Variants in MYO7B observed in about 807,000 individuals in gnomAD.
MYO7B encodes the protein unconventional myosin-VIIb.
In MYO7B, 212 loss-of-function variants were observed where a neutral mutation model predicts 259.7. The ratio of observed to expected loss-of-function variants is 0.82; its 90% CI spans 0.73 to 0.91. The LOEUF is 0.91. MYO7B is among the 40% of genes least tolerant of loss of function. The pLI is 0.00. For missense variants in MYO7B, 2,732 were observed against 2,813.5 expected, an observed-to-expected ratio of 0.97 and a Z score of 0.66; for synonymous variants, 1,197 against 1,166.4, an observed-to-expected ratio of 1.03 and a Z score of -0.54.
rs566447325 is a variant in MYO7B, at chr2:127,597,727, C to T, written c.2339+1171C>T. On this transcript the variant is annotated intron_variant, in intron 19 of 47. Coordinates refer to ENST00000409816, the MANE Select transcript of MYO7B (RefSeq NM_001393586.1). The surrounding 1 kb of genome is among the most constrained non-coding windows in gnomAD (Gnocchi z 4.8). ...TTGGCTCACTGCAACCTCTGCTTTC[C>T]GGGCTCAAGCTATCCTCCCACCTCA... is the stretch of plus-strand genomic sequence containing the variant. Among the ~76,000 whole-genome samples the T allele has an allele frequency of 4.6e-5, 7 of 152,006 alleles. No homozygotes were observed. The East Asian group carries it at 5.8e-4, about 13-fold the overall frequency.
chr2:127,590,074 C>G lies in MYO7B; in HGVS notation c.1855-18C>G, dbSNP rs1216861518. 7 of 1,561,550 alleles carry G rather than the reference C, an allele frequency of 4.5e-6. No homozygotes were observed. Among genetic ancestry groups the G allele is most frequent in the Admixed American group, 3.8e-5 (2 of 52,208 alleles). On this transcript the variant is annotated intron_variant, in intron 15 of 47. Transcript: ENST00000409816. This position sits in a 1 kb window ranked among gnomAD's most constrained non-coding sequence, Gnocchi z 4.6. Reference sequence around the variant, plus strand: ...ATGGCTCCTGAGACCCACTTGTGCTCTGTGCTTCCATTCACAGTCTGCAGA... The same window carrying G: ...ATGGCTCCTGAGACCCACTTGTGCTGTGTGCTTCCATTCACAGTCTGCAGA...
rs1173658507 is a variant in MYO7B at position 127,596,369 on chromosome 2, G to A, written c.2245-93G>A. The A allele has an allele frequency of 1.7e-5, 18 of 1,040,374 alleles. No homozygotes were observed. In the East Asian group the frequency reaches 4.4e-4, roughly 25 times the overall value. 64.4% of individuals were successfully genotyped at this position (1,040,374 alleles called of 1,614,324 possible). On this transcript the variant is annotated intron_variant, in intron 18 of 47. Coordinates refer to ENST00000409816, the MANE Select transcript of MYO7B (RefSeq NM_001393586.1). Reference sequence around the variant, plus strand: ...GCCTGCCCTCCTGGGAGAAGCCTGAGAGATGCTACCTTCGGGAGACAGAGC... The same window carrying A: ...GCCTGCCCTCCTGGGAGAAGCCTGAAAGATGCTACCTTCGGGAGACAGAGC...
intron 27 of MYO7B, among the ~76,000 whole-genome samples, chr2:127,621,360 T>C (rs1331479499): frequency 6.8e-6 from 1 of 147,462 alleles, no homozygotes; most frequent in East Asian, 2.0e-4. Context: ...GCCTCCCGGG[T>C]TCAAGCAATT....
intron 7 of MYO7B, among the ~76,000 whole-genome samples, chr2:127,575,197 T>C (rs1324712683): frequency 6.6e-6 from 1 of 152,142 alleles, no homozygotes; most frequent in East Asian, 1.9e-4. Context: ...TTCACAACCA[T>C]GAGAGGTAGG....
chr2:127,630,880 C>A lies in MYO7B; in HGVS notation c.4909C>A (p.Leu1637Met). Residue 1637 changes from leucine to methionine, a missense_variant, in exon 36 of 48, where the codon CTG (leucine) becomes ATG (methionine). Around this residue, in one of 3 missense-constraint regions of MYO7B, gnomAD observed 821 missense variants for 769.3 expected, o/e 1.07. Transcript: ENST00000409816. ...GCCACCCAAGGAAAAGCTGCACACC[C>A]TGGAGGAGTTCTCCTATGAGTTCTT... ...EEPPKEKLHTLEEFSYEFFRA... is the reference protein window; with the variant it reads ...EEPPKEKLHTMEEFSYEFFRA... 1 of 1,601,194 alleles carries A rather than the reference C, an allele frequency of 6.2e-7. No homozygotes were observed. Among genetic ancestry groups the A allele is most frequent in the South Asian group, 1.1e-5 (1 of 89,360 alleles).
At chr2:127,594,827 T>A (rs1679702174) in intron 18 of MYO7B, among the ~76,000 whole-genome samples, 1 of 152,226 alleles carries the variant, frequency 6.6e-6, no homozygotes, top group Admixed American at 6.5e-5. Context: ...TGAAGCCAAC[T>A]TGATCGTAGT....
chr2:127,610,085 G>T, intron 24 of MYO7B, 69 bp downstream of exon 24: 1 of 1,562,642 alleles, frequency 6.4e-7, no homozygotes, highest in East Asian at 2.3e-5. Context: ...CCCAGTCCCT[G>T]GGGCAGCTGG....
chr2:127,538,527 C>T (rs13029611), intron 1 of MYO7B, among the ~76,000 whole-genome samples: 81,018 of 151,798 alleles, frequency 0.53, 23,116 homozygotes, highest in Admixed American at 0.67. Context: ...AATAAGCAAA[C>T]GCTTTGGAGC....
chr2:127,573,893 T>C, intron 6 of MYO7B, 27 bp from the exon 7 acceptor site: 1 of 1,613,790 alleles, frequency 6.2e-7, no homozygotes, highest in Non-Finnish European at 8.5e-7. Flanking sequence ...TCTGCTCCCA[T>C]CATGGGCATC....
intron 1 of MYO7B, among the ~76,000 whole-genome samples, chr2:127,542,143 A>G (rs571644886): frequency 7.2e-4 from 109 of 152,340 alleles, no homozygotes; most frequent in African/African-American, 2.5e-3. Flanking sequence ...ACTGTCAGTC[A>G]CATGCTATTC....
rs1679268802 is a variant in MYO7B at position 127,585,491 on chromosome 2, TG to T, written c.1690+581del. ...ATCTCGTCATCAGTTGGCGGACATT[TG>T]GGTTTTTTCCACTTTTTGCCTATTA... On this transcript the variant is annotated intron_variant, in intron 14 of 47. Transcript: ENST00000409816. The surrounding 1 kb of genome is among the most constrained non-coding windows in gnomAD (Gnocchi z 4.3). Among the ~76,000 whole-genome samples the T allele has an allele frequency of 6.6e-6, 1 of 152,208 alleles. No homozygotes were observed. Among genetic ancestry groups the T allele is most frequent in the Admixed American group, 6.5e-5 (1 of 15,278 alleles).
chr2:127,637,059 G>A (rs1218070372), intron 47 of MYO7B, 146 bp downstream of exon 47: 1 of 1,384,738 alleles, frequency 7.2e-7, no homozygotes, highest in Non-Finnish European at 9.9e-7. Flanking sequence ...GAGAGGGCCT[G>A]GGTGCATCCC....
At chr2:127,581,839 TG>T in intron 10 of MYO7B, 51 bp from the exon 11 acceptor site, 1 of 1,608,650 alleles carries the variant, frequency 6.2e-7, no homozygotes, top group Non-Finnish European at 8.5e-7. Context: ...GTCAGAGTGC[TG>T]GGCCAGGCCC....
chr2:127,599,679 G>A (rs554899184), intron 19 of MYO7B, among the ~76,000 whole-genome samples: 4 of 152,246 alleles, frequency 2.6e-5, no homozygotes, highest in South Asian at 2.1e-4. Flanking sequence ...TTCTCAAGTC[G>A]AGGAAGCTTC....
In MYO7B at chr2:127,608,734, G is replaced by A. The variant is rs763698211; in HGVS notation, c.2670G>A (p.Gly890=). Residue 890 remains glycine (G), a synonymous_variant, in exon 22 of 48, where the codon GGG becomes GGA. Coordinates refer to ENST00000409816, the MANE Select transcript of MYO7B (RefSeq NM_001393586.1). The stretch of plus-strand genomic sequence containing the variant: ...CGCCGCTGGTCATCCCGGCCGAGGG[G>A]CAGAAAAGCCAAGGCGCTCTCCCTG... ...ANAPLVIPAE[G]QKSQGALPAK... is the part of the protein sequence containing the mutation. 2 of 1,612,738 alleles carry A rather than the reference G, an allele frequency of 1.2e-6. No homozygotes were observed. Among genetic ancestry groups the A allele is most frequent in the South Asian group, 1.1e-5 (1 of 91,048 alleles).
intron 19 of MYO7B, among the ~76,000 whole-genome samples, chr2:127,598,838 C>T (rs544496394): frequency 6.6e-6 from 1 of 152,154 alleles, no homozygotes; most frequent in Non-Finnish European, 1.5e-5. Context: ...AAAGTCTATC[C>T]TTCCTTCAAT....
chr2:127,576,578 C>G lies in MYO7B; in HGVS notation c.736-17C>G. 1 of 1,432,960 alleles carries G rather than the reference C, an allele frequency of 7.0e-7. No homozygotes were observed. The highest frequency in any genetic ancestry group is 9.7e-7 in the Non-Finnish European group (1 of 1,030,768). 88.8% of individuals were successfully genotyped at this position (1,432,960 alleles called of 1,614,324 possible). On this transcript the variant is annotated splice_polypyrimidine_tract_variant and intron_variant, in intron 7 of 47. Coordinates refer to ENST00000409816, the MANE Select transcript of MYO7B (RefSeq NM_001393586.1). This position sits in a 1 kb window ranked among gnomAD's most constrained non-coding sequence, Gnocchi z 4.9. ...ATGGCTCATGAATCTGTCTGGAATG[C>G]CCTCCCTCCCTCCCAGGCTCCCGAG...
intron 19 of MYO7B, among the ~76,000 whole-genome samples, chr2:127,599,236 C>T (rs1048777911): frequency 1.3e-5 from 2 of 152,144 alleles, no homozygotes; most frequent in Non-Finnish European, 2.9e-5. Flanking sequence ...TTCATGCATC[C>T]GTGTTTTGTA....
chr2:127,636,375 C>T lies in MYO7B; in HGVS notation c.6123+51C>T. The T allele has an allele frequency of 6.5e-7, 1 of 1,544,080 alleles. No individual in the cohort carries two copies. Among genetic ancestry groups the T allele is most frequent in the Non-Finnish European group, 8.9e-7 (1 of 1,119,358 alleles). On this transcript the variant is annotated intron_variant, in intron 45 of 47. Coordinates refer to ENST00000409816, the MANE Select transcript of MYO7B (RefSeq NM_001393586.1). The surrounding 1 kb of genome is among the most constrained non-coding windows in gnomAD (Gnocchi z 4.5). ...TCCTACCCAAGCAGGCTCCGCTCAG[C>T]CCAGCCCCAGCAGGCCCAGCGTCAA...
Sources: gnomAD v4.1 joint callset for allele counts (sites outside exome capture counted in the v4.1 genomes callset) on GRCh38, gnomAD v4.1.1 for gene constraint, gnomAD v4.1.1 regional missense constraint, Gnocchi (gnomAD v3.1) non-coding constraint, MANE v1.5 for transcripts, NCBI Gene and HGNC (gene_info 2026-07-23, HGNC 2026-07-21) for gene names.